Variants in MAP3K3 observed in about 807,000 individuals in gnomAD.
MAP3K3 encodes mitogen-activated protein kinase kinase kinase 3, also known as MAP/ERK kinase kinase 3.
MAP3K3 carries 12 observed loss-of-function variants against 80.9 expected under a neutral mutation model. The ratio of observed to expected loss-of-function variants is 0.15; its 90% CI spans 0.10 to 0.24. The LOEUF (loss-of-function observed/expected upper bound fraction) is 0.24, where lower values mean the gene tolerates loss of function less well. Among genes scored for constraint, MAP3K3 ranks in the 10% least tolerant of loss-of-function variants. The pLI is 1.00. For missense variants in MAP3K3, 596 were observed against 834.7 expected (o/e 0.71, Z 3.52); for synonymous variants, 272 against 307.1 (o/e 0.89, Z 1.19).
At chr17:63,681,656 A>G in intron 6 of MAP3K3, 110 bp from the exon 7 acceptor site, 1 of 1,049,054 alleles carries the variant, frequency 9.5e-7, no homozygotes, top group Non-Finnish European at 1.3e-6. Flanking sequence ...GCCATGACCC[A>G]TCTGAGTCAC....
intron 2 of MAP3K3, among the ~76,000 whole-genome samples, chr17:63,645,817 T>A (rs1388973000): frequency 6.6e-6 from 1 of 152,172 alleles, no homozygotes; most frequent in Non-Finnish European, 1.5e-5. Context: ...CACCTAGGGA[T>A]CTTACCCTAA....
At chr17:63,651,983 A>G (rs1485679908) in intron 3 of MAP3K3, among the ~76,000 whole-genome samples, 1 of 151,938 alleles carries the variant, frequency 6.6e-6, no homozygotes, top group African/African-American at 2.4e-5. Context: ...CAGGACTGCT[A>G]CTCCAGTCTG....
chr17:63,646,050 A>T lies in MAP3K3; in HGVS notation c.143A>T (p.Lys48Met), dbSNP rs747235726. Residue 48 changes from lysine (K) to methionine (M), a missense_variant, in exon 3 of 16, where the codon AAG (lysine) becomes ATG (methionine). By Grantham distance (95) the Lys-to-Met change is moderately conservative. Transcript: ENST00000361733. ...HSNRQSDVRI[K>M]FEHNGERRII... ...TTTTGGCAGAGTGACGTCAGAATCA[A>T]GTTCGAGCACAACGGGGAGAGGCGG... is the stretch of plus-strand genomic sequence containing the variant. 6.2e-7 allele frequency: 1 copy of T among 1,614,096 alleles called. No individual in the cohort carries two copies. The highest frequency in any genetic ancestry group is 2.2e-5 in the East Asian group (1 of 44,886).
chr17:63,651,389 C>T (rs1397369185), intron 3 of MAP3K3, among the ~76,000 whole-genome samples: 2 of 150,824 alleles, frequency 1.3e-5, no homozygotes, highest in East Asian at 1.9e-4. Flanking sequence ...AGGAGGATTG[C>T]GTGAGCCCCA....
In MAP3K3 at chr17:63,689,180, AG is replaced by A. The variant is rs2035527890; in HGVS notation, c.871+300del. The A allele has an allele frequency of 1.8e-6, 1 of 553,854 alleles. No individual in the cohort carries two copies. Among genetic ancestry groups the A allele is most frequent in the African/African-American group, 1.9e-5 (1 of 52,966 alleles). The allele number at this position is 553,854 out of a possible 1,614,324, so 34.3% of individuals were successfully genotyped here. A position where few individuals can be genotyped will look rare whatever the true frequency, so the allele number is the denominator to read the frequency against. On this transcript the variant is annotated intron_variant, in intron 10 of 15. Transcript: ENST00000361733. This position sits in a 1 kb window ranked among gnomAD's most constrained non-coding sequence, Gnocchi z 4.3. ...CAGCAGCAGGTGGCCTGGGCCCTGT[AG>A]AGGGGTAAGGAGTAGGATACAAGGA...
intron 4 of MAP3K3, 121 bp downstream of exon 4, chr17:63,652,777 G>A: frequency 1.6e-6 from 1 of 640,142 alleles, no homozygotes; most frequent in Non-Finnish European, 2.7e-6. Flanking sequence ...TCATTTTCTA[G>A]ACCCCCTTTT....
intron 2 of MAP3K3, among the ~76,000 whole-genome samples, chr17:63,643,566 CAG>C (rs1410138221): frequency 1.3e-5 from 2 of 152,058 alleles, no homozygotes; most frequent in African/African-American, 4.8e-5. Flanking sequence ...AAGGATATAT[CAG>C]AACTCTGCTC....
chr17:63,657,520 C>T (rs776633498), intron 4 of MAP3K3, among the ~76,000 whole-genome samples: 34 of 151,996 alleles, frequency 2.2e-4, no homozygotes, highest in Non-Finnish European at 4.4e-4. Flanking sequence ...TAAATGGGCA[C>T]AAGAGATCCT....
chr17:63,691,762 C>T lies in MAP3K3; in HGVS notation c.1374C>T (p.Tyr458=), dbSNP rs373380834. The part of the protein sequence containing the change: ...GGSVKDQLKA[Y]GALTESVTRK... ...CGGTGAAAGACCAGTTGAAGGCTTA[C>T]GGTGCTCTGACAGAGAGCGTGACCC... Residue 458 remains tyrosine, a synonymous_variant, in exon 14 of 16, where the codon TAC becomes TAT. Coordinates refer to ENST00000361733, the MANE Select transcript of MAP3K3 (RefSeq NM_002401.5). This position sits in a 1 kb window ranked among gnomAD's most constrained non-coding sequence, Gnocchi z 4.8. The T allele has an allele frequency of 1.7e-5, 27 of 1,613,904 alleles. No homozygotes were observed. The highest frequency in any genetic ancestry group is 1.3e-4 in the East Asian group (6 of 44,890).
rs761675837 is a variant in MAP3K3 at position 63,681,890 on chromosome 17, C to T, written c.627C>T (p.Ser209=). 11 of 1,484,232 alleles carry T rather than the reference C, an allele frequency of 7.4e-6. No homozygotes were observed. The highest frequency in any genetic ancestry group is 4.2e-5 in the African/African-American group (3 of 70,630). 91.9% of individuals were successfully genotyped at this position (1,484,232 alleles called of 1,614,324 possible). A position where few individuals can be genotyped will look rare whatever the true frequency, so the allele number is the denominator to read the frequency against. The change falls in exon 7 of 16, where the codon AGC becomes AGT. Residue 209 remains serine, a synonymous_variant. Coordinates refer to ENST00000361733, the MANE Select transcript of MAP3K3 (RefSeq NM_002401.5). ...AGGGGGAGTTCATCCCAGAGACCAG[C>T]GAGCAGTGCGTGAGTATAGGGGGGC... ...NSEGEFIPET[S]EQCMLDPLSS... is the part of the protein sequence containing the mutation.
rs558262596 is a variant in MAP3K3 at position 63,639,985 on chromosome 17, A to C, written c.127-6049A>C. Among the ~76,000 whole-genome samples, 153 of 152,278 alleles carry C rather than the reference A, an allele frequency of 1.0e-3. 1 individual carries two copies. The highest frequency in any genetic ancestry group is 1.8e-3 in the Non-Finnish European group (123 of 68,016). On this transcript the variant is annotated intron_variant, in intron 2 of 15. Transcript: ENST00000361733. ...TGATGTCAGGGAGAATGGGAAGCAG[A>C]GTCTTATACCGGAGGTCTTTGAGAG...
chr17:63,650,658 T>TAGAGAGAGAGAGAGAGAGAGAGAGAG (rs61412799), intron 3 of MAP3K3, among the ~76,000 whole-genome samples: 48 of 117,270 alleles, frequency 4.1e-4, no homozygotes, highest in African/African-American at 1.5e-3. Flanking sequence ...CTGTCTCTTA[T>TAGAGAGAGAGAGAGAGAGAGAGAGAG]AGAGAGAGAG....
At chr17:63,656,677 T>C (rs142530384) in intron 4 of MAP3K3, among the ~76,000 whole-genome samples, 299 of 152,302 alleles carry the variant, frequency 2.0e-3, no homozygotes, top group Non-Finnish European at 3.3e-3. Context: ...TTGCATCTTA[T>C]GAATCTCTTA....
chr17:63,685,668 C>G, intron 8 of MAP3K3, 78 bp downstream of exon 8: 1 of 1,210,648 alleles, frequency 8.3e-7, no homozygotes, highest in Non-Finnish European at 1.2e-6. Flanking sequence ...AGAGTTAGCT[C>G]TGGAGGCCCA....
rs115388505 is a variant in MAP3K3 at position 63,631,779 on chromosome 17, A to G, written c.5-902A>G. Among the ~76,000 whole-genome samples the G allele has an allele frequency of 4.5e-3, 683 of 152,324 alleles. 7 individuals are homozygous for G. Among genetic ancestry groups the G allele is most frequent in the African/African-American group, 0.016 (663 of 41,572 alleles). ...CATTGCTTGGTCAGCTTAGGGAGGAAAAACAATAGAACTACCCTTTGACTT... is the reference window on the plus strand; with the variant it reads ...CATTGCTTGGTCAGCTTAGGGAGGAGAAACAATAGAACTACCCTTTGACTT... On this transcript the variant is annotated intron_variant, in intron 1 of 15. Transcript: ENST00000361733.
intron 3 of MAP3K3, among the ~76,000 whole-genome samples, chr17:63,647,653 G>A (rs1298936991): frequency 6.6e-6 from 1 of 152,094 alleles, no homozygotes; most frequent in Non-Finnish European, 1.5e-5. Flanking sequence ...CTCTTTTTAC[G>A]GAGCTGTTTT....
At chr17:63,662,856 C>T (rs184689544) in intron 5 of MAP3K3, among the ~76,000 whole-genome samples, 42,181 of 150,680 alleles carry the variant, frequency 0.28, 6,266 homozygotes, top group Middle Eastern at 0.38. Context: ...TGGGGTTGGG[C>T]GGGGGGCGGT....
At chr17:63,650,318 GAGAC>G (rs2034623852) in intron 3 of MAP3K3, among the ~76,000 whole-genome samples, 2 of 151,650 alleles carry the variant, frequency 1.3e-5, no homozygotes, top group Admixed American at 6.6e-5. Flanking sequence ...TTATTTTTTT[GAGAC>G]AGAGTCTCTT....
rs182926711 is a variant in MAP3K3 at position 63,660,860 on chromosome 17, T to C, written c.381+2953T>C. ...ATCCGCCTGTCTCGGCCTCCCAAAG[T>C]GCTGGGATTACAGGCATGAGCCACT... is the stretch of plus-strand genomic sequence containing the variant. On this transcript the variant is annotated intron_variant, in intron 5 of 15. Transcript: ENST00000361733. Among the ~76,000 whole-genome samples, 190 of 152,308 alleles carry C rather than the reference T, an allele frequency of 1.2e-3. 3 individuals carry two copies. Among genetic ancestry groups the C allele is most frequent in the African/African-American group, 4.3e-3 (180 of 41,566 alleles).
Sources: gnomAD v4.1 joint callset for allele counts (sites outside exome capture counted in the v4.1 genomes callset) on GRCh38, gnomAD v4.1.1 for gene constraint, Gnocchi (gnomAD v3.1) non-coding constraint, MANE v1.5 for transcripts, NCBI Gene and HGNC (gene_info 2026-07-23, HGNC 2026-07-21) for gene names.